Variants in VKORC1L1 observed in about 807,000 individuals in gnomAD.
VKORC1L1 encodes vitamin K epoxide reductase complex subunit 1-like protein 1.
VKORC1L1 carries 2 observed loss-of-function variants against 18.9 expected under a neutral mutation model. The observed-to-expected ratio is 0.11, with a 90% CI of 0.04 to 0.33. VKORC1L1 has a LOEUF of 0.33. VKORC1L1 is among the 10% of genes least tolerant of loss of function. VKORC1L1 has a pLI of 1.00. For synonymous variants in VKORC1L1, 96 were observed against 100.0 expected, an observed-to-expected ratio of 0.96 and a Z score of 0.24; for missense variants, 123 against 224.1, an observed-to-expected ratio of 0.55 and a Z score of 2.88.
intron 2 of VKORC1L1, among the ~76,000 whole-genome samples, chr7:65,950,004 G>A (rs988859162): frequency 5.3e-5 from 8 of 152,046 alleles, no homozygotes; most frequent in African/African-American, 1.2e-4. Context: ...TTTAATCAGT[G>A]TTACCAATTT....
intron 2 of VKORC1L1, among the ~76,000 whole-genome samples, chr7:65,951,192 G>A (rs995651153): frequency 2.0e-5 from 3 of 152,148 alleles, no homozygotes; most frequent in Non-Finnish European, 2.9e-5. Flanking sequence ...AATTTCCAGA[G>A]CACAGCATCT....
chr7:65,899,030 T>A (rs749649371), intron 1 of VKORC1L1, among the ~76,000 whole-genome samples: 22 of 152,246 alleles, frequency 1.4e-4, no homozygotes, highest in Non-Finnish European at 2.6e-4. Context: ...AAAAGAGCAC[T>A]AAAGTAAAAA....
At chr7:65,902,920 G>T (rs966675919) in intron 1 of VKORC1L1, among the ~76,000 whole-genome samples, 1 of 152,042 alleles carries the variant, frequency 6.6e-6, no homozygotes, top group Non-Finnish European at 1.5e-5. Context: ...AGGTTAGAGT[G>T]CAATGGCGTG....
At chr7:65,882,295 C>G (rs1186654105) in intron 1 of VKORC1L1, among the ~76,000 whole-genome samples, 1 of 151,792 alleles carries the variant, frequency 6.6e-6, no homozygotes, top group Admixed American at 6.6e-5. Context: ...AGGAGAGTTG[C>G]TTGAACCCAG....
intron 1 of VKORC1L1, among the ~76,000 whole-genome samples, chr7:65,911,775 C>T (rs1316188347): frequency 2.0e-5 from 3 of 152,032 alleles, no homozygotes; most frequent in Non-Finnish European, 4.4e-5. Flanking sequence ...CTGAACTGAC[C>T]CTGTCGTGGA....
At chr7:65,870,265 G>GAAAAA (rs58681634), upstream of VKORC1L1, among the ~76,000 whole-genome samples, 1 of 110,430 alleles carries the variant, frequency 9.1e-6, no homozygotes, top group East Asian at 2.7e-4. Flanking sequence ...ACTAAGTACA[G>GAAAAA]AAAAAAAAAA....
chr7:65,914,868 G>A (rs1425690207), intron 1 of VKORC1L1, among the ~76,000 whole-genome samples: 1 of 152,058 alleles, frequency 6.6e-6, no homozygotes, highest in African/African-American at 2.4e-5. Context: ...AGCTGGATGT[G>A]GTGGCACATG....
chr7:65,895,516 T>TATATACACACACACAC (rs370356956), intron 1 of VKORC1L1, among the ~76,000 whole-genome samples: 1 of 71,582 alleles, frequency 1.4e-5, no homozygotes, highest in Non-Finnish European at 2.7e-5. Context: ...TATATATATA[T>TATATACACACACACAC]ACACACACAC....
chr7:65,869,031 G>T (rs1583812883), upstream of VKORC1L1, among the ~76,000 whole-genome samples: 1 of 152,164 alleles, frequency 6.6e-6, no homozygotes. Context: ...TCAAGAGTAA[G>T]TTGTCAAGTG....
chr7:65,913,568 A>G (rs897559891), intron 1 of VKORC1L1, among the ~76,000 whole-genome samples: 2 of 151,844 alleles, frequency 1.3e-5, no homozygotes, highest in Admixed American at 1.3e-4. Flanking sequence ...TCTACTAAAA[A>G]TACAAAAATT....
intron 1 of VKORC1L1, among the ~76,000 whole-genome samples, chr7:65,926,042 C>T (rs1270292167): frequency 2.0e-5 from 3 of 151,838 alleles, no homozygotes; most frequent in Non-Finnish European, 4.4e-5. Context: ...TAATTATTCA[C>T]CTATGGTAAC....
At chr7:65,940,188 C>G (rs7786356) in intron 1 of VKORC1L1, among the ~76,000 whole-genome samples, 48,672 of 151,664 alleles carry the variant, frequency 0.32, 8,837 homozygotes, top group East Asian at 0.46. Context: ...CCACACCTAG[C>G]TAATTTTTTT....
chr7:65,945,230 C>T (rs1033580349), intron 1 of VKORC1L1, among the ~76,000 whole-genome samples: 29 of 151,714 alleles, frequency 1.9e-4, no homozygotes, highest in African/African-American at 7.0e-4. Context: ...TGCTACACTC[C>T]AGCCTGGGCG....
chr7:65,887,759 T>G (rs1789039798), intron 1 of VKORC1L1, among the ~76,000 whole-genome samples: 1 of 152,250 alleles, frequency 6.6e-6, no homozygotes, highest in Admixed American at 6.5e-5. Flanking sequence ...TTACATAGTA[T>G]TCATTGTAAG....
intron 1 of VKORC1L1, among the ~76,000 whole-genome samples, chr7:65,942,334 A>C (rs914289884): frequency 6.7e-6 from 1 of 150,134 alleles, no homozygotes; most frequent in Non-Finnish European, 1.5e-5. Context: ...AAAAATGCCA[A>C]AAAAAAAACT....
At position 65,894,065 on chromosome 7, in the gene VKORC1L1, C is replaced by T. The variant is rs546149336; in HGVS notation, c.194+20500C>T. Among the ~76,000 whole-genome samples the T allele has an allele frequency of 2.6e-5, 4 of 152,140 alleles. No homozygotes were observed. The South Asian group carries it at 8.3e-4, about 32-fold the overall frequency. Reference sequence around the variant, plus strand: ...CGCCTCCCAGGTTCAAGCAATTCTCCTGCCTCAGCTTCCTGAGTAGCTGGG... The same window carrying T: ...CGCCTCCCAGGTTCAAGCAATTCTCTTGCCTCAGCTTCCTGAGTAGCTGGG... On this transcript the variant is annotated intron_variant, in intron 1 of 2. Transcript: ENST00000360768.
At chr7:65,880,868 T>C (rs1402658328) in intron 1 of VKORC1L1, among the ~76,000 whole-genome samples, 7 of 152,160 alleles carry the variant, frequency 4.6e-5, no homozygotes, top group African/African-American at 1.7e-4. Flanking sequence ...TGATAAGACA[T>C]AGCACTGAGT....
chr7:65,908,835 T>TGA (rs1583841175), intron 1 of VKORC1L1, among the ~76,000 whole-genome samples: 1 of 29,530 alleles, frequency 3.4e-5, no homozygotes, highest in African/African-American at 2.3e-4. Context: ...AGACTCCATC[T>TGA]CAAAAAAAAA....
At chr7:65,907,884 GTT>G (rs35763745) in intron 1 of VKORC1L1, among the ~76,000 whole-genome samples, 3 of 150,024 alleles carry the variant, frequency 2.0e-5, no homozygotes, top group Admixed American at 6.6e-5. Flanking sequence ...TCCCTCATCA[GTT>G]TTTTTTTTTC....
Sources: allele counts gnomAD v4.1 joint callset (sites outside exome capture counted in the v4.1 genomes callset), GRCh38; gene constraint gnomAD v4.1.1; transcripts MANE v1.5; gene names NCBI Gene and HGNC (gene_info 2026-07-23, HGNC 2026-07-21).